The following FAM83F variants were observed in gnomAD, a reference collection of about 807,000 sequenced individuals.
The protein encoded by FAM83F is protein FAM83F.
In FAM83F, 45 loss-of-function variants were observed where a neutral mutation model predicts 42.9. The ratio of observed to expected loss-of-function variants is 1.05; its 90% confidence interval spans 0.83 to 1.35. The LOEUF is 1.35. FAM83F is among the 40% of genes most tolerant of loss of function. The pLI is 0.00. For missense variants in FAM83F, 617 were observed against 695.9 expected, an observed-to-expected ratio of 0.89 and a Z score of 1.28; for synonymous variants, 306 against 298.3, an observed-to-expected ratio of 1.03 and a Z score of -0.27.
Position 40,021,959 on chromosome 22 carries a change from C to T in FAM83F, c.1449C>T (p.Ile483=), listed in dbSNP as rs761411099. ...KRPNENSSAD[I]SGKTSPSSAK... ...CCAACGAGAATTCCAGTGCTGACATCTCAGGTGAGCCCTCTTCCCTCTGGC... is the reference window on the plus strand; with the variant it reads ...CCAACGAGAATTCCAGTGCTGACATTTCAGGTGAGCCCTCTTCCCTCTGGC... The change falls in exon 4 of 5, where the codon ATC becomes ATT. Residue 483 remains isoleucine, a synonymous_variant. Coordinates refer to ENST00000333407, the MANE Select transcript of FAM83F (RefSeq NM_138435.4). This position sits in a 1 kb window ranked among gnomAD's most constrained non-coding sequence, Gnocchi z 8.7. 2.6e-6 allele frequency: 4 copies of T among 1,550,374 alleles called. No individual in the cohort carries two copies. Among genetic ancestry groups the T allele is most frequent in the Non-Finnish European group, 3.5e-6 (4 of 1,147,942 alleles).
intron 1 of FAM83F, among the ~76,000 whole-genome samples, chr22:40,009,333 G>A (rs1387495586): frequency 6.6e-6 from 1 of 152,156 alleles, no homozygotes; most frequent in East Asian, 1.9e-4. Flanking sequence ...TGAAGCTGGG[G>A]CTCTTTGCAG....
In FAM83F at chr22:40,038,945, TC is replaced by T. The variant is rs2067639715; in HGVS notation, c.*9381del. 1 of 152,236 alleles carries T rather than the reference TC, an allele frequency of 6.6e-6. No individual in the cohort carries two copies. The highest frequency in any genetic ancestry group is 1.5e-5 in the Non-Finnish European group (1 of 68,056). 9.4% of individuals were successfully genotyped at this position (152,236 alleles called of 1,614,324 possible). On this transcript the variant is annotated 3_prime_UTR_variant, in exon 5 of 5. Transcript: ENST00000333407. ...TTAACCTATCTCTGCCTTACTTTCTTCATCTGTATCTACCTCAGAAAGTTAC... is the reference window on the plus strand; with the variant it reads ...TTAACCTATCTCTGCCTTACTTTCTTATCTGTATCTACCTCAGAAAGTTAC...
rs2067610039 is a variant in FAM83F at position 40,034,540 on chromosome 22, T to C, written c.*4975T>C. ...GAAAGCCCTGCTTCTAGATGCCATG[T>C]GCTGCTGCCTGGCACGATAGGTACC... On this transcript the variant is annotated 3_prime_UTR_variant, in exon 5 of 5. Transcript: ENST00000333407. 6.6e-6 allele frequency: 1 copy of C among 152,308 alleles called. No homozygotes were observed. The allele number at this position is 152,308 out of a possible 1,614,324, so 9.4% of individuals were successfully genotyped here. A position where few individuals can be genotyped will look rare whatever the true frequency, so the allele number is the denominator to read the frequency against.
chr22:40,021,221 G>A lies in FAM83F; in HGVS notation c.780-69G>A. The A allele has an allele frequency of 1.4e-6, 2 of 1,468,020 alleles. No individual in the cohort carries two copies. Among genetic ancestry groups the A allele is most frequent in the Non-Finnish European group, 1.8e-6 (2 of 1,107,444 alleles). The allele number at this position is 1,468,020 out of a possible 1,614,324, so 90.9% of individuals were successfully genotyped here. A position where few individuals can be genotyped will look rare whatever the true frequency, so the allele number is the denominator to read the frequency against. ...GTCTGGCCACAGCGGAGGGGCAGGT[G>A]GGGGCGGGGGCAGGGCAAGAGAGAG... is the stretch of plus-strand genomic sequence containing the variant. On this transcript the variant is annotated intron_variant, in intron 3 of 4. Coordinates refer to ENST00000333407, the MANE Select transcript of FAM83F (RefSeq NM_138435.4). This position sits in a 1 kb window ranked among gnomAD's most constrained non-coding sequence, Gnocchi z 8.7.
At chr22:40,014,899 CAATTG>C (rs2067485543) in intron 1 of FAM83F, among the ~76,000 whole-genome samples, 1 of 152,184 alleles carries the variant, frequency 6.6e-6, no homozygotes, top group African/African-American at 2.4e-5. Context: ...TTTACTTCCT[CAATTG>C]TAAAGTGGGA....
chr22:40,002,328 C>G (rs1321230857), intron 1 of FAM83F, among the ~76,000 whole-genome samples: 2 of 152,178 alleles, frequency 1.3e-5, no homozygotes, highest in Non-Finnish European at 2.9e-5. Flanking sequence ...GATGGTTAAC[C>G]CTGATGTAAT....
At chr22:40,015,818 A>T (rs1318980920) in intron 1 of FAM83F, among the ~76,000 whole-genome samples, 3 of 152,084 alleles carry the variant, frequency 2.0e-5, no homozygotes, top group Non-Finnish European at 4.4e-5. Context: ...CATTTATCTC[A>T]TGTCTTAGTT....
chr22:40,026,683 C>T (rs183878154), intron 4 of FAM83F, among the ~76,000 whole-genome samples: 13 of 152,266 alleles, frequency 8.5e-5, no homozygotes, highest in African/African-American at 2.9e-4. Flanking sequence ...AGTCCCTGGG[C>T]CTGTGCTTTG....
rs751796429 is a variant in FAM83F, at chr22:40,041,218, A to G, written c.*11653A>G. 16 of 152,210 alleles carry G rather than the reference A, an allele frequency of 1.1e-4. No individual in the cohort carries two copies. Among genetic ancestry groups the G allele is most frequent in the Admixed American group, 3.9e-4 (6 of 15,274 alleles). 9.4% of individuals were successfully genotyped at this position (152,210 alleles called of 1,614,324 possible). On this transcript the variant is annotated 3_prime_UTR_variant, in exon 5 of 5. Transcript: ENST00000333407. ...GCTAAGAATAGCACAGCGCTCCAAG[A>G]ACATAGTGCACTTGGCCTGCATACA...
chr22:39,995,019 G>A lies in FAM83F; in HGVS notation c.-24G>A, dbSNP rs2067365541. The A allele has an allele frequency of 2.4e-6, 3 of 1,255,872 alleles. No individual in the cohort carries two copies. The highest frequency in any genetic ancestry group is 3.0e-6 in the Non-Finnish European group (3 of 1,001,580). The allele number at this position is 1,255,872 out of a possible 1,614,324, so 77.8% of individuals were successfully genotyped here. On this transcript the variant is annotated 5_prime_UTR_variant, in exon 1 of 5. Transcript: ENST00000333407. This position sits in a 1 kb window ranked among gnomAD's most constrained non-coding sequence, Gnocchi z 4.6. ...CGGACCGCGGCGGGGCCGGGGCCAG[G>A]GCCGGGGCCGGGGCCGGGGCGCCAT... is the stretch of plus-strand genomic sequence containing the variant.
At chr22:40,004,718 G>A (rs1382168573) in intron 1 of FAM83F, among the ~76,000 whole-genome samples, 6 of 152,342 alleles carry the variant, frequency 3.9e-5, no homozygotes, top group South Asian at 2.1e-4. Flanking sequence ...GATTACAGGC[G>A]TGAGCCACCG....
chr22:40,016,110 G>C (rs371307767), intron 1 of FAM83F, among the ~76,000 whole-genome samples: 9 of 152,248 alleles, frequency 5.9e-5, no homozygotes, highest in African/African-American at 1.9e-4. Flanking sequence ...AATCAGGAGA[G>C]GGGGGGACAA....
chr22:39,995,370 G>T lies in FAM83F; in HGVS notation c.328G>T (p.Asp110Tyr), dbSNP rs1318487480. 6.5e-7 allele frequency: 1 copy of T among 1,544,976 alleles called. No homozygotes were observed. The highest frequency in any genetic ancestry group is 8.7e-7 in the Non-Finnish European group (1 of 1,146,684). ...ESGESLAYWP[D>Y]RSDTEVPPLD... Reference sequence around the variant, plus strand: ...CGGCGAGTCCCTGGCCTACTGGCCCGACCGTTCCGACACCGAGGTGCCTCC... The same window carrying T: ...CGGCGAGTCCCTGGCCTACTGGCCCTACCGTTCCGACACCGAGGTGCCTCC... The change falls in exon 1 of 5, where the codon GAC (aspartate) becomes TAC (tyrosine). Residue 110 changes from aspartate (D) to tyrosine (Y), a missense_variant. Coordinates refer to ENST00000333407, the MANE Select transcript of FAM83F (RefSeq NM_138435.4). This position sits in a 1 kb window ranked among gnomAD's most constrained non-coding sequence, Gnocchi z 4.6.
chr22:40,005,359 G>GATTTATCTTT (rs2067422022), intron 1 of FAM83F, among the ~76,000 whole-genome samples: 1 of 152,332 alleles, frequency 6.6e-6, no homozygotes, highest in South Asian at 2.1e-4. Context: ...TTGGCTTTAA[G>GATTTATCTTT]CTAATGTTAA....
chr22:40,019,957 C>T lies in FAM83F; in HGVS notation c.728C>T (p.Ser243Leu), dbSNP rs773294449. ...ATGGGGAGGATCAAGGGGACCCTGT[C>T]ATCAAGGTTCCTGATGGTGGACGGT... ...MPMGRIKGTL[S>L]SRFLMVDGDK... is the part of the protein sequence containing the mutation. Residue 243 changes from serine to leucine, a missense_variant, in exon 3 of 5, where the codon TCA becomes TTA. Physicochemically the swap from Ser to Leu is moderately radical, Grantham distance 145. Coordinates refer to ENST00000333407, the MANE Select transcript of FAM83F (RefSeq NM_138435.4). 6.2e-7 allele frequency: 1 copy of T among 1,613,530 alleles called. No homozygotes were observed. Among genetic ancestry groups the T allele is most frequent in the Admixed American group, 1.7e-5 (1 of 59,982 alleles).
intron 4 of FAM83F, among the ~76,000 whole-genome samples, chr22:40,029,119 G>A (rs947126401): frequency 2.0e-5 from 3 of 149,560 alleles, no homozygotes; most frequent in African/African-American, 7.6e-5. Context: ...GTGTGTGTGT[G>A]TGTGTGTGTG....
At position 40,040,700 on chromosome 22, in the gene FAM83F, C is replaced by T. The variant is rs1418749096; in HGVS notation, c.*11135C>T. The T allele has an allele frequency of 6.6e-6, 1 of 152,218 alleles. No homozygotes were observed. Among genetic ancestry groups the T allele is most frequent in the Non-Finnish European group, 1.5e-5 (1 of 68,046 alleles). 9.4% of individuals were successfully genotyped at this position (152,218 alleles called of 1,614,324 possible). ...TAATCAGCCCTCTTTAGAGAGTTTC[C>T]CTGCCTCATTGCTCTTGGTCTTTGG... On this transcript the variant is annotated 3_prime_UTR_variant, in exon 5 of 5. Transcript: ENST00000333407.
chr22:40,014,518 G>T (rs768949869), intron 1 of FAM83F, among the ~76,000 whole-genome samples: 2 of 152,082 alleles, frequency 1.3e-5, no homozygotes, highest in Non-Finnish European at 2.9e-5. Flanking sequence ...TATATTTTGA[G>T]TTCACTTTTT....
At chr22:40,020,291 A>G (rs1002438038) in intron 3 of FAM83F, among the ~76,000 whole-genome samples, 1 of 151,768 alleles carries the variant, frequency 6.6e-6, no homozygotes, top group African/African-American at 2.4e-5. Context: ...TAGGACAAGC[A>G]GGAAGTGGGA....
Sources: allele counts gnomAD v4.1 joint callset (sites outside exome capture counted in the v4.1 genomes callset), GRCh38; gene constraint gnomAD v4.1.1; non-coding constraint Gnocchi (gnomAD v3.1); transcripts MANE v1.5; gene names NCBI Gene and HGNC (gene_info 2026-07-23, HGNC 2026-07-21).